The following RARB variants were observed in gnomAD, a reference collection of about 807,000 sequenced individuals.
RARB encodes the protein HBV-activated protein.
A neutral mutation model predicts 51.9 loss-of-function variants in RARB; 17 were observed. That is an observed-to-expected ratio of 0.33 (90% confidence interval 0.22 to 0.49). RARB has a LOEUF of 0.49. Among genes scored for constraint, RARB ranks in the 20% least tolerant of loss-of-function variants. The pLI, the probability that RARB is intolerant of heterozygous loss-of-function variation, is 0.99. For missense variants in RARB, 369 were observed against 550.8 expected (o/e 0.67, Z 3.30); for synonymous variants, 215 against 195.4 (o/e 1.10, Z -0.84).
At chr3:24,932,657 T>A (rs1695465708) in intron 2 of RARB, among the ~76,000 whole-genome samples, 1 of 152,128 alleles carries the variant, frequency 6.6e-6, no homozygotes, top group Admixed American at 6.6e-5. Context: ...ATTTTTAGAT[T>A]TAGAAAAAAC....
At chr3:25,501,877 T>C in intron 3 of RARB, among the ~76,000 whole-genome samples, 1 of 152,244 alleles carries the variant, frequency 6.6e-6, no homozygotes, top group East Asian at 1.9e-4. Context: ...GCAAAAGATA[T>C]TTTAAAAATA....
intron 5 of RARB, among the ~76,000 whole-genome samples, chr3:25,302,232 G>C (rs73049732): frequency 6.6e-6 from 1 of 152,048 alleles, no homozygotes; most frequent in African/African-American, 2.4e-5. Flanking sequence ...TTCTCAAAAG[G>C]TTAAACAAAG....
At chr3:25,390,664 A>G (rs539199540) in intron 5 of RARB, among the ~76,000 whole-genome samples, 12 of 152,298 alleles carry the variant, frequency 7.9e-5, no homozygotes, top group Non-Finnish European at 1.3e-4. Context: ...ATATCCTATC[A>G]TATTTATCAA....
chr3:25,396,541 T>C (rs1241275855), intron 5 of RARB, among the ~76,000 whole-genome samples: 1 of 152,176 alleles, frequency 6.6e-6, no homozygotes, highest in Non-Finnish European at 1.5e-5. Flanking sequence ...GGATACAAGC[T>C]TGCCCTAAGG....
chr3:25,153,359 C>T (rs1438398696), intron 4 of RARB, among the ~76,000 whole-genome samples: 1 of 152,186 alleles, frequency 6.6e-6, no homozygotes, highest in African/African-American at 2.4e-5. Flanking sequence ...AATGAGCTGT[C>T]TGCCAAAATG....
At chr3:25,343,191 C>T (rs1257115285) in intron 5 of RARB, among the ~76,000 whole-genome samples, 1 of 152,012 alleles carries the variant, frequency 6.6e-6, no homozygotes, top group Non-Finnish European at 1.5e-5. Context: ...ATACAGGTTT[C>T]AAAGCACTTC....
chr3:25,537,381 TTG>T (rs1699184164), intron 3 of RARB, among the ~76,000 whole-genome samples: 1 of 152,202 alleles, frequency 6.6e-6, no homozygotes, highest in Non-Finnish European at 1.5e-5. Context: ...TCAAAATTGG[TTG>T]TGTGTTTGAA....
rs879686058 is a variant in RARB at position 25,302,917 on chromosome 3, G to A, written c.178+128342G>A. Among the ~76,000 whole-genome samples the A allele has an allele frequency of 1.2e-4, 18 of 152,202 alleles. 1 individual carries two copies. The highest frequency in any genetic ancestry group is 3.9e-4 in the Admixed American group (6 of 15,272). ...TCCCCATTTGTCACAGAATTTGTGT[G>A]TATGTAAGAGAAAGGGAGATAAATT... On this transcript the variant is annotated intron_variant, in intron 5 of 11. Transcript: ENST00000383772.
intron 1 of RARB, among the ~76,000 whole-genome samples, chr3:24,853,027 C>G (rs888370126): frequency 2.0e-5 from 3 of 151,816 alleles, no homozygotes; most frequent in Non-Finnish European, 4.4e-5. Flanking sequence ...TTTAAAATAA[C>G]GAACTGGCTG....
chr3:25,213,872 G>A (rs193065055), intron 5 of RARB, among the ~76,000 whole-genome samples: 1 of 152,208 alleles, frequency 6.6e-6, no homozygotes, highest in Admixed American at 6.5e-5. Flanking sequence ...CTCTTACTTG[G>A]CAATGTTATT....
At chr3:25,226,591 G>A (rs906983109) in intron 5 of RARB, among the ~76,000 whole-genome samples, 1 of 152,136 alleles carries the variant, frequency 6.6e-6, no homozygotes, top group African/African-American at 2.4e-5. Context: ...AAGTGAACAA[G>A]TACAACATCT....
intron 3 of RARB, among the ~76,000 whole-genome samples, chr3:25,514,604 C>G (rs936835691): frequency 1.6e-4 from 25 of 151,878 alleles, no homozygotes; most frequent in African/African-American, 6.0e-4. Context: ...TTTTTCTTTG[C>G]TTGTTTTTTT....
intron 4 of RARB, among the ~76,000 whole-genome samples, chr3:25,168,589 T>C (rs961250662): frequency 6.6e-6 from 1 of 151,864 alleles, no homozygotes. Flanking sequence ...CAAAGAACAA[T>C]GTATAAATAA....
intron 2 of RARB, among the ~76,000 whole-genome samples, chr3:24,980,317 G>T (rs879106333): frequency 6.6e-6 from 1 of 152,060 alleles, no homozygotes; most frequent in Non-Finnish European, 1.5e-5. Context: ...ATGTTGTCCT[G>T]CCTTGCTAGC....
In RARB at chr3:25,478,977, GGGT is replaced by G. The variant is rs548619235; in HGVS notation, c.306+17641_306+17643del. 6.2e-3 allele frequency among the ~76,000 whole-genome samples: 946 copies of G among 152,292 alleles called. 6 individuals are homozygous for G. The highest frequency in any genetic ancestry group is 9.3e-3 in the Non-Finnish European group (632 of 68,014). On this transcript the variant is annotated intron_variant, in intron 2 of 7. Coordinates refer to ENST00000330688, the MANE Select transcript of RARB (RefSeq NM_000965.5). ...GGAGAGCTATTCCTGTGCATGGTCA[GGGT>G]GGTGAACTCCTGTTGACTCTGACCA...
chr3:25,486,348 T>C (rs1286658), intron 2 of RARB, among the ~76,000 whole-genome samples: 125,086 of 152,128 alleles, frequency 0.82, 52,853 homozygotes, highest in South Asian at 0.98. Context: ...ACTGTTTGCT[T>C]AGAGTACAAA....
At chr3:24,992,543 A>G (rs2125435702) in intron 2 of RARB, among the ~76,000 whole-genome samples, 1 of 152,336 alleles carries the variant, frequency 6.6e-6, no homozygotes, top group East Asian at 1.9e-4. Context: ...TTAGTTTGCT[A>G]GGGCTGCCAT....
At chr3:25,563,888 C>T (rs559420341) in intron 3 of RARB, among the ~76,000 whole-genome samples, 1 of 151,570 alleles carries the variant, frequency 6.6e-6, no homozygotes, top group South Asian at 2.1e-4. Context: ...CATCATGCTT[C>T]CTTTGCTAAG....
intron 3 of RARB, among the ~76,000 whole-genome samples, chr3:25,063,437 T>A (rs971658765): frequency 6.6e-6 from 1 of 152,050 alleles, no homozygotes; most frequent in Non-Finnish European, 1.5e-5. Context: ...CCTATTTCTT[T>A]TTATGGGCTA....
Sources: allele counts gnomAD v4.1 joint callset (sites outside exome capture counted in the v4.1 genomes callset), GRCh38; gene constraint gnomAD v4.1.1; transcripts MANE v1.5; gene names NCBI Gene and HGNC (gene_info 2026-07-23, HGNC 2026-07-21).